CYP4V2: variants seen among roughly 807,000 people sequenced by gnomAD.
CYP4V2 encodes the protein cytochrome P450 4V2.
CYP4V2 carries 55 observed loss-of-function variants against 60.8 expected under a neutral mutation model. The observed-to-expected ratio is 0.90, with a 90% CI of 0.73 to 1.13. The LOEUF is 1.13. CYP4V2 is among the 50% of genes most tolerant of loss of function. The pLI, the probability that CYP4V2 is intolerant of heterozygous loss-of-function variation, is 0.00. For synonymous variants in CYP4V2, 239 were observed against 236.8 expected (o/e 1.01, Z -0.08); for missense variants, 675 against 662.9 (o/e 1.02, Z -0.20).
intron 7 of CYP4V2, chr4:186,204,908 G>A (rs959703007): frequency 4.6e-5 from 21 of 453,128 alleles, no homozygotes; most frequent in Non-Finnish European, 8.2e-5. Flanking sequence ...TCACAAAGGC[G>A]CAGCTCACCT....
At chr4:186,197,237 C>A in intron 4 of CYP4V2, 107 bp downstream of exon 4, 1 of 1,376,090 alleles carries the variant, frequency 7.3e-7, no homozygotes, top group Non-Finnish European at 1.0e-6. Context: ...GAAAGGGTGA[C>A]GGGCTCTTCA....
chr4:186,192,166 G>A (rs1415596775), intron 1 of CYP4V2, 129 bp downstream of exon 1: 1 of 1,227,314 alleles, frequency 8.1e-7, no homozygotes. Flanking sequence ...TGTGGAGAAT[G>A]CACTCCCAGT....
intron 4 of CYP4V2, 71 bp from the exon 5 acceptor site, chr4:186,197,462 C>T: frequency 2.1e-6 from 3 of 1,459,654 alleles, no homozygotes; most frequent in Admixed American, 1.7e-5. Flanking sequence ...TTAGTGTCTG[C>T]CGCTGCAAAA....
intron 5 of CYP4V2, 44 bp from the exon 6 acceptor site, chr4:186,198,913 A>G (rs1474912239): frequency 6.2e-7 from 1 of 1,613,200 alleles, no homozygotes; most frequent in Non-Finnish European, 8.5e-7. Flanking sequence ...CAAGAAATAC[A>G]CATTTCTGAT....
intron 5 of CYP4V2, among the ~76,000 whole-genome samples, chr4:186,198,298 G>A (rs1017974514): frequency 6.6e-6 from 1 of 152,212 alleles, no homozygotes; most frequent in African/African-American, 2.4e-5. Flanking sequence ...GAATAACACA[G>A]GAGGCAGGCA....
intron 1 of CYP4V2, among the ~76,000 whole-genome samples, chr4:186,192,804 G>A (rs1191973896): frequency 6.6e-6 from 1 of 152,140 alleles, no homozygotes; most frequent in Non-Finnish European, 1.5e-5. Flanking sequence ...TTACGTTGAG[G>A]TACCCAGAAA....
At chr4:186,208,472 A>G (rs1252537178) in intron 8 of CYP4V2, among the ~76,000 whole-genome samples, 1 of 136,096 alleles carries the variant, frequency 7.3e-6, no homozygotes, top group Non-Finnish European at 1.6e-5. Context: ...TCTTCTTTGA[A>G]GGGTATTTGA....
rs1736165659 is a variant in CYP4V2 at position 186,196,955 on chromosome 4, G to A, written c.429G>A (p.Trp143Ter). Residue 143 changes from tryptophan (W) to a stop codon, truncating the protein, a stop_gained, in exon 4 of 11, where the codon TGG (tryptophan) becomes TGA (stop). Coordinates refer to ENST00000378802, the MANE Select transcript of CYP4V2 (RefSeq NM_207352.4). LOFTEE classifies it high-confidence loss of function. ...LGLLTSTGNK[W>*]RSRRKMLTPT... is the part of the protein sequence containing the mutation. ...TTATTTCTAGTACTGGAAACAAATG[G>A]CGCTCCAGGAGAAAGATGTTAACAC... The A allele has an allele frequency of 6.2e-7, 1 of 1,613,060 alleles. No homozygotes were observed. Among genetic ancestry groups the A allele is most frequent in the Admixed American group, 1.7e-5 (1 of 60,010 alleles).
intron 5 of CYP4V2, among the ~76,000 whole-genome samples, chr4:186,197,880 A>G (rs1234428305): frequency 6.6e-6 from 1 of 152,204 alleles, no homozygotes; most frequent in East Asian, 1.9e-4. Flanking sequence ...GAAAAGAAAG[A>G]TATAAACAGT....
chr4:186,195,208 C>A lies in CYP4V2; in HGVS notation c.327+596C>A, dbSNP rs1455493097. ...GTAAACAGAGCTTCTCTTCATCGAC[C>A]AAAATTAAAGACTGAATTTCCTAGG... On this transcript the variant is annotated intron_variant, in intron 2 of 10. Coordinates refer to ENST00000378802, the MANE Select transcript of CYP4V2 (RefSeq NM_207352.4). The surrounding 1 kb of genome is among the most constrained non-coding windows in gnomAD (Gnocchi z 4.1). Among the ~76,000 whole-genome samples, 1 of 152,154 alleles carries A rather than the reference C, an allele frequency of 6.6e-6. No homozygotes were observed. Among genetic ancestry groups the A allele is most frequent in the Admixed American group, 6.5e-5 (1 of 15,276 alleles).
chr4:186,205,900 G>T (rs930342690), intron 8 of CYP4V2, among the ~76,000 whole-genome samples: 3 of 152,150 alleles, frequency 2.0e-5, no homozygotes, highest in Admixed American at 1.3e-4. Flanking sequence ...CAGGGGAGGT[G>T]GGGGTACCGG....
chr4:186,200,159 A>G (rs1412774778), intron 6 of CYP4V2, among the ~76,000 whole-genome samples: 4 of 152,236 alleles, frequency 2.6e-5, no homozygotes, highest in African/African-American at 9.6e-5. Flanking sequence ...TTGAATAAAC[A>G]TTGAGAATTG....
At chr4:186,192,367 A>G in intron 1 of CYP4V2, 1 of 548,514 alleles carries the variant, frequency 1.8e-6, no homozygotes, top group Non-Finnish European at 3.5e-6. Context: ...TTAGGAACAG[A>G]AGCTCCCTGG....
At chr4:186,200,586 G>A (rs371146982) in intron 6 of CYP4V2, among the ~76,000 whole-genome samples, 20 of 152,274 alleles carry the variant, frequency 1.3e-4, no homozygotes, top group Admixed American at 2.6e-4. Context: ...AGGAGGCGTC[G>A]CAGTGCTAGG....
Position 186,191,850 on chromosome 4 carries a change from G to A in CYP4V2, c.27G>A (p.Val9=). 1 of 1,578,358 alleles carries A rather than the reference G, an allele frequency of 6.3e-7. No homozygotes were observed. The highest frequency in any genetic ancestry group is 8.6e-7 in the Non-Finnish European group (1 of 1,168,104). Residue 9 remains valine, a synonymous_variant, in exon 1 of 11, where the codon GTG becomes GTA. Transcript: ENST00000378802. MAGLWLGL[V]WQKLLLWGAA... ...TGGCGGGGCTCTGGCTGGGGCTCGT[G>A]TGGCAGAAGCTGCTGCTGTGGGGCG... is the stretch of plus-strand genomic sequence containing the variant.
intron 6 of CYP4V2, 143 bp downstream of exon 6, chr4:186,199,226 T>C: frequency 4.6e-6 from 4 of 877,982 alleles, no homozygotes; most frequent in Non-Finnish European, 5.4e-6. Context: ...TCCAGAACTT[T>C]TGGTAAGTCC....
chr4:186,209,759 A>G (rs996293991), intron 10 of CYP4V2, among the ~76,000 whole-genome samples: 1 of 152,192 alleles, frequency 6.6e-6, no homozygotes, highest in Non-Finnish European at 1.5e-5. Context: ...GTCTCCAAAT[A>G]CAGTCATATT....
At position 186,196,926 on chromosome 4, in the gene CYP4V2, T is replaced by C; in HGVS notation, c.414-14T>C. The stretch of plus-strand genomic sequence containing the variant: ...TGTAGATATATTTTTTGTAACCACA[T>C]ATTTTATTTCTAGTACTGGAAACAA... On this transcript the variant is annotated splice_polypyrimidine_tract_variant and intron_variant, in intron 3 of 10. Transcript: ENST00000378802. The C allele has an allele frequency of 1.2e-6, 2 of 1,611,136 alleles. No individual in the cohort carries two copies. The highest frequency in any genetic ancestry group is 2.2e-5 in the South Asian group (2 of 90,816).
At chr4:186,202,364 A>G (rs566666734) in intron 7 of CYP4V2, 53 of 152,310 alleles carry the variant, frequency 3.5e-4, no homozygotes, top group Middle Eastern at 3.4e-3. Flanking sequence ...CCCAGCTAAC[A>G]TGCTGGGACC....
Sources: gnomAD v4.1 joint callset for allele counts (sites outside exome capture counted in the v4.1 genomes callset) on GRCh38, gnomAD v4.1.1 for gene constraint, Gnocchi (gnomAD v3.1) non-coding constraint, MANE v1.5 for transcripts, NCBI Gene and HGNC (gene_info 2026-07-23, HGNC 2026-07-21) for gene names.